SLC24A4: variants seen among roughly 807,000 people sequenced by gnomAD.
SLC24A4 encodes the protein sodium/potassium/calcium exchanger 4.
Under a neutral mutation model 79.0 loss-of-function variants are expected in SLC24A4, and 53 were observed. The ratio of observed to expected loss-of-function variants is 0.67; its 90% CI spans 0.54 to 0.84. SLC24A4 has a LOEUF of 0.84. Among genes scored for constraint, SLC24A4 ranks in the 40% least tolerant of loss-of-function variants. SLC24A4 has a pLI of 0.00. For synonymous variants in SLC24A4, 323 were observed against 323.8 expected (o/e 1.00, Z 0.03); for missense variants, 731 against 822.0 (o/e 0.89, Z 1.35).
chr14:92,465,944 A>T (rs1022361357), intron 12 of SLC24A4, among the ~76,000 whole-genome samples: 2 of 152,078 alleles, frequency 1.3e-5, no homozygotes, highest in Admixed American at 6.5e-5. Flanking sequence ...CCTCTTCCCC[A>T]CAAACCTCAG....
chr14:92,488,692 G>T (rs1895511103), intron 14 of SLC24A4, among the ~76,000 whole-genome samples: 1 of 151,848 alleles, frequency 6.6e-6, no homozygotes, highest in South Asian at 2.1e-4. Context: ...GCCCAGTACA[G>T]TGAGTACAAG....
chr14:92,419,976 C>T (rs1032237270), intron 2 of SLC24A4, among the ~76,000 whole-genome samples: 3 of 152,126 alleles, frequency 2.0e-5, no homozygotes, highest in African/African-American at 7.2e-5. Context: ...AAAAAGTCCA[C>T]GTGAAGACAC....
intron 2 of SLC24A4, among the ~76,000 whole-genome samples, chr14:92,386,014 C>T (rs1566731244): frequency 6.6e-6 from 1 of 152,166 alleles, no homozygotes; most frequent in Non-Finnish European, 1.5e-5. Context: ...TTCAAGGCAG[C>T]TTGCCCCTGG....
Position 92,353,165 on chromosome 14 carries a change from T to A in SLC24A4, c.241+27187T>A, listed in dbSNP as rs191658783. The stretch of plus-strand genomic sequence containing the variant: ...ATGCATAGAATATGGGCCTATGTGA[T>A]GGCTCAAATATTTCAAGCTGTCATC... On this transcript the variant is annotated intron_variant, in intron 2 of 16. Coordinates refer to ENST00000532405, the MANE Select transcript of SLC24A4 (RefSeq NM_153646.4). The surrounding 1 kb of genome is among the most constrained non-coding windows in gnomAD (Gnocchi z 4.1). 1.4e-3 allele frequency among the ~76,000 whole-genome samples: 207 copies of A among 152,354 alleles called. No individual in the cohort carries two copies. The highest frequency in any genetic ancestry group is 4.8e-3 in the African/African-American group (198 of 41,572).
chr14:92,387,473 G>A (rs1042661539), intron 2 of SLC24A4, among the ~76,000 whole-genome samples: 10 of 152,164 alleles, frequency 6.6e-5, no homozygotes, highest in Admixed American at 5.9e-4. Flanking sequence ...CACCATGCCC[G>A]GCCAGGAGTA....
chr14:92,453,857 TC>T, intron 10 of SLC24A4, 42 bp from the exon 11 acceptor site: 1 of 1,548,882 alleles, frequency 6.5e-7, no homozygotes, highest in Non-Finnish European at 8.7e-7. Flanking sequence ...TTGGGTGTTG[TC>T]CTCAGAGAGA....
Position 92,453,907 on chromosome 14 carries a change from G to C in SLC24A4, c.888G>C (p.Glu296Asp), listed in dbSNP as rs1893300157. The change falls in exon 11 of 17, where the codon GAG (glutamate) becomes GAC (aspartate). Residue 296 changes from glutamate (E) to aspartate (D), a missense_variant. Transcript: ENST00000532405. ...PSVPLLGQVK[E>D]KPQYGKNPVV... ...CGGTGTTGCGCTCAACAGTGAAGGA[G>C]AAGCCACAGTATGGCAAGAACCCCG... 1.9e-6 allele frequency: 3 copies of C among 1,610,316 alleles called. No homozygotes were observed. Among genetic ancestry groups the C allele is most frequent in the Middle Eastern group, 1.7e-4 (1 of 6,034 alleles).
At position 92,491,851 on chromosome 14, in the gene SLC24A4, G is replaced by A. The variant is rs1383688790; in HGVS notation, c.1650+74G>A. On this transcript the variant is annotated intron_variant, in intron 15 of 16. Coordinates refer to ENST00000532405, the MANE Select transcript of SLC24A4 (RefSeq NM_153646.4). Reference sequence around the variant, plus strand: ...GGTGTTGGCCCAGTTCCAGCCAGAGGCTCTAGGAGACGACCTCCTCCTCTC... The same window carrying A: ...GGTGTTGGCCCAGTTCCAGCCAGAGACTCTAGGAGACGACCTCCTCCTCTC... 4.1e-6 allele frequency: 5 copies of A among 1,220,698 alleles called. No individual in the cohort carries two copies. The Admixed American group carries it at 8.8e-5, about 22-fold the overall frequency. 75.6% of individuals were successfully genotyped at this position (1,220,698 alleles called of 1,614,324 possible). A position where few individuals can be genotyped will look rare whatever the true frequency, so the allele number is the denominator to read the frequency against.
chr14:92,363,333 A>G (rs1887641120), intron 2 of SLC24A4, among the ~76,000 whole-genome samples: 1 of 152,206 alleles, frequency 6.6e-6, no homozygotes, highest in Admixed American at 6.5e-5. Flanking sequence ...CCAGAAGTGA[A>G]TTCACCCCCA....
In SLC24A4 at chr14:92,389,253, A is replaced by C. The variant is rs749858854; in HGVS notation, c.242-44659A>C. Among the ~76,000 whole-genome samples, 5 of 152,150 alleles carry C rather than the reference A, an allele frequency of 3.3e-5. No homozygotes were observed. In the South Asian group the frequency reaches 6.2e-4, roughly 19 times the overall value. On this transcript the variant is annotated intron_variant, in intron 2 of 16. Coordinates refer to ENST00000532405, the MANE Select transcript of SLC24A4 (RefSeq NM_153646.4). The stretch of plus-strand genomic sequence containing the variant: ...TTGGAAGGAAGTGAATCTTTCCTGA[A>C]TCTACCTCTTGTGTGTGGGTGCCTC...
At chr14:92,447,308 A>G in intron 8 of SLC24A4, 63 bp from the exon 9 acceptor site, 1 of 1,506,996 alleles carries the variant, frequency 6.6e-7, no homozygotes, top group South Asian at 1.1e-5. Context: ...TGGACCCCTC[A>G]TTCCCAGCCT....
intron 2 of SLC24A4, among the ~76,000 whole-genome samples, chr14:92,373,117 A>G (rs995106494): frequency 6.6e-6 from 1 of 151,158 alleles, no homozygotes; most frequent in African/African-American, 2.4e-5. Context: ...TTCCTGCCTC[A>G]GCCTCCAGAG....
At chr14:92,440,218 G>A (rs558893272) in intron 4 of SLC24A4, among the ~76,000 whole-genome samples, 2 of 152,216 alleles carry the variant, frequency 1.3e-5, no homozygotes, top group South Asian at 2.1e-4. Context: ...CCCCCCAAGC[G>A]GTGACCTGGC....
intron 14 of SLC24A4, among the ~76,000 whole-genome samples, chr14:92,488,056 C>T (rs1214289909): frequency 2.0e-5 from 3 of 150,392 alleles, no homozygotes; most frequent in African/African-American, 4.9e-5. Context: ...CCTTCTCCTC[C>T]TCCTCCTCCT....
Position 92,482,706 on chromosome 14 carries a change from G to A in SLC24A4, c.1282G>A (p.Val428Met), listed in dbSNP as rs2139923978. 6.2e-7 allele frequency: 1 copy of A among 1,613,926 alleles called. No homozygotes were observed. The highest frequency in any genetic ancestry group is 8.5e-7 in the Non-Finnish European group (1 of 1,179,866). ...GGCCAGAGGGGACAAGGTCAAGTGG[G>A]TGTTCACCTGGCCCCTCATCTTCCT... The part of the protein sequence containing the change: ...PEARGDKVKW[V>M]FTWPLIFLLC... The change falls in exon 13 of 17, where the codon GTG (valine) becomes ATG (methionine). Residue 428 changes from valine to methionine, a missense_variant. By Grantham distance (21) the Val-to-Met change is conservative. Transcript: ENST00000532405.
chr14:92,455,907 G>T (rs1489088501), intron 11 of SLC24A4, among the ~76,000 whole-genome samples: 1 of 152,160 alleles, frequency 6.6e-6, no homozygotes, highest in Non-Finnish European at 1.5e-5. Flanking sequence ...CACCATGTTG[G>T]CCAGGCTGAT....
At chr14:92,382,736 C>G (rs573813827) in intron 2 of SLC24A4, among the ~76,000 whole-genome samples, 18 of 152,322 alleles carry the variant, frequency 1.2e-4, no homozygotes, top group African/African-American at 4.1e-4. Context: ...AGGAATTGAT[C>G]AGTCCTAGAA....
At chr14:92,389,013 CA>C (rs2141730062) in intron 2 of SLC24A4, among the ~76,000 whole-genome samples, 1 of 152,304 alleles carries the variant, frequency 6.6e-6, no homozygotes, top group East Asian at 1.9e-4. Flanking sequence ...CCACTTAAGG[CA>C]GAACTAATAT....
chr14:92,426,967 G>A (rs998279257), intron 2 of SLC24A4, among the ~76,000 whole-genome samples: 3 of 152,226 alleles, frequency 2.0e-5, no homozygotes, highest in Non-Finnish European at 4.4e-5. Context: ...CAAAGAGAGA[G>A]TGGCATGTTT....
Sources: allele counts gnomAD v4.1 joint callset (sites outside exome capture counted in the v4.1 genomes callset), GRCh38; gene constraint gnomAD v4.1.1; non-coding constraint Gnocchi (gnomAD v3.1); transcripts MANE v1.5; gene names NCBI Gene and HGNC (gene_info 2026-07-23, HGNC 2026-07-21).